REEP5: variants seen among roughly 807,000 people sequenced by gnomAD.
The protein encoded by REEP5 is receptor expression-enhancing protein 5.
A neutral mutation model predicts 22.4 loss-of-function variants in REEP5; 24 were observed. That is an observed-to-expected ratio of 1.07 (90% CI 0.78 to 1.51). REEP5 has a LOEUF of 1.51. Ranked by LOEUF, REEP5 falls within the 40% of genes most tolerant of loss-of-function variation. The pLI is 0.00. For synonymous variants in REEP5, 103 were observed against 88.6 expected (o/e 1.16, Z -0.92); for missense variants, 252 against 233.0 (o/e 1.08, Z -0.53).
intron 3 of REEP5, chr5:112,893,006 C>T: frequency 6.4e-7 from 1 of 1,562,832 alleles, no homozygotes; most frequent in Non-Finnish European, 8.8e-7. Context: ...CAAAGTTCCT[C>T]TAGGTGCCGA....
rs558249750 is a variant in REEP5, at chr5:112,891,430, A to T, written c.352-4247T>A. Among the ~76,000 whole-genome samples the T allele has an allele frequency of 2.6e-5, 4 of 152,280 alleles. No individual in the cohort carries two copies. The South Asian group carries it at 8.3e-4, about 32-fold the overall frequency. On this transcript the variant is annotated intron_variant, in intron 3 of 4. Coordinates refer to ENST00000379638, the MANE Select transcript of REEP5 (RefSeq NM_005669.5). ...ACATGAAATGAAATTCAAATTTATG[A>T]TATACTTAATTACAAAAAAAGTCTA... is the stretch of plus-strand genomic sequence containing the variant.
intron 2 of REEP5, among the ~76,000 whole-genome samples, chr5:112,906,958 G>C (rs931763054): frequency 3.9e-5 from 6 of 152,180 alleles, no homozygotes; most frequent in African/African-American, 1.4e-4. Context: ...GTTGGACGTA[G>C]AAGTCAAACT....
chr5:112,898,374 A>G (rs965371094), intron 3 of REEP5: 1 of 152,248 alleles, frequency 6.6e-6, no homozygotes, highest in African/African-American at 2.4e-5. Flanking sequence ...GAACACTATG[A>G]TGCCATGCAG....
At chr5:112,899,137 T>G (rs153551) in intron 3 of REEP5, among the ~76,000 whole-genome samples, 86,157 of 151,908 alleles carry the variant, frequency 0.57, 26,982 homozygotes, top group African/African-American at 0.85. Context: ...AGAGTGCAGT[T>G]GGGTGATCAT....
At chr5:112,879,630 C>T (rs62364059) in intron 4 of REEP5, among the ~76,000 whole-genome samples, 1,877 of 152,160 alleles carry the variant, frequency 0.012, 16 homozygotes, top group Non-Finnish European at 0.021. Context: ...CTCACCACCA[C>T]GCCCAGCTAA....
At chr5:112,921,058 G>GCTTT in intron 2 of REEP5, 105 bp downstream of exon 2, 1 of 1,119,848 alleles carries the variant, frequency 8.9e-7, no homozygotes, top group Non-Finnish European at 1.3e-6. Flanking sequence ...TCCCCGCCGA[G>GCTTT]CTTTCACTTT....
intron 3 of REEP5, chr5:112,897,351 T>TCACACACGCA (rs1554093939): frequency 1.0e-5 from 1 of 97,790 alleles, no homozygotes; most frequent in East Asian, 2.4e-4. Context: ...ACACATCCCA[T>TCACACACGCA]CACACACACA....
chr5:112,879,405 C>G lies in REEP5; in HGVS notation c.521-570G>C, dbSNP rs73220057. Among the ~76,000 whole-genome samples, 1,442 of 152,134 alleles carry G rather than the reference C, an allele frequency of 9.5e-3. 30 individuals are homozygous for G. Among genetic ancestry groups the G allele is most frequent in the African/African-American group, 0.033 (1,371 of 41,458 alleles). ...ACAGATACCAAAATCTGTGAGTGCT[C>G]AAGCCCTTAAATAGAATGGCATACA... is the stretch of plus-strand genomic sequence containing the variant. On this transcript the variant is annotated intron_variant, in intron 4 of 4. Coordinates refer to ENST00000379638, the MANE Select transcript of REEP5 (RefSeq NM_005669.5).
At chr5:112,880,981 C>T (rs1437850513) in intron 4 of REEP5, among the ~76,000 whole-genome samples, 1 of 151,818 alleles carries the variant, frequency 6.6e-6, no homozygotes, top group Non-Finnish European at 1.5e-5. Flanking sequence ...ATACAAGTAT[C>T]AGCTGGGCGT....
chr5:112,896,372 A>C (rs1768680593), intron 3 of REEP5: 1 of 151,836 alleles, frequency 6.6e-6, no homozygotes, highest in Non-Finnish European at 1.5e-5. Context: ...AAAAATACAA[A>C]ATTTGCCTAG....
intron 4 of REEP5, among the ~76,000 whole-genome samples, chr5:112,883,503 T>C (rs1768139474): frequency 6.6e-6 from 1 of 152,216 alleles, no homozygotes; most frequent in African/African-American, 2.4e-5. Context: ...ATCAGTCTGC[T>C]TTGCTAGTTG....
Position 112,892,163 on chromosome 5 carries a change from C to G in REEP5, c.352-4980G>C, listed in dbSNP as rs538127313. 6.2e-6 allele frequency: 10 copies of G among 1,614,170 alleles called. No homozygotes were observed. In the African/African-American group the frequency reaches 1.3e-4, roughly 22 times the overall value. On this transcript the variant is annotated intron_variant, in intron 3 of 4. Transcript: ENST00000379638. Reference sequence around the variant, plus strand: ...TTCAGAGTAATGGAGAAGGATCGAGCTAATTGTCCCTTCTACAGTAAAACA... The same window carrying G: ...TTCAGAGTAATGGAGAAGGATCGAGGTAATTGTCCCTTCTACAGTAAAACA...
At chr5:112,881,851 A>C (rs1768085110) in intron 4 of REEP5, 1 of 152,088 alleles carries the variant, frequency 6.6e-6, no homozygotes, top group Non-Finnish European at 1.5e-5. Flanking sequence ...CTGCAGCCTC[A>C]ACCTCCAGGC....
At chr5:112,893,094 T>TAAAAAAAAAAAAA (rs552226372) in intron 3 of REEP5, 55 of 501,480 alleles carry the variant, frequency 1.1e-4, no homozygotes, top group African/African-American at 1.4e-4. Flanking sequence ...GTTTTGTTCT[T>TAAAAAAAAAAAAA]AAAAAAAAAA....
Position 112,877,880 on chromosome 5 carries a change from G to C in REEP5, c.*906C>G, listed in dbSNP as rs1767945045. On this transcript the variant is annotated 3_prime_UTR_variant, in exon 5 of 5. Transcript: ENST00000379638. ...CCGCTTTGAAGATAAAACCAGAAAT[G>C]GTTTCCATTGTAGCATCTTGACAAT... The C allele has an allele frequency of 6.6e-6, 1 of 152,056 alleles. No individual in the cohort carries two copies. Among genetic ancestry groups the C allele is most frequent in the Non-Finnish European group, 1.5e-5 (1 of 68,012 alleles). 9.4% of individuals were successfully genotyped at this position (152,056 alleles called of 1,614,324 possible). A position where few individuals can be genotyped will look rare whatever the true frequency, so the allele number is the denominator to read the frequency against.
At chr5:112,914,467 C>T (rs1377480136) in intron 2 of REEP5, among the ~76,000 whole-genome samples, 2 of 151,900 alleles carry the variant, frequency 1.3e-5, no homozygotes, top group Non-Finnish European at 2.9e-5. Context: ...CAAACTCAAG[C>T]AATCCACCCA....
chr5:112,896,913 A>C (rs1157648254), intron 3 of REEP5: 7 of 152,352 alleles, frequency 4.6e-5, no homozygotes, highest in East Asian at 1.9e-4. Flanking sequence ...TGGGCGACAG[A>C]GCAAGACTCC....
At chr5:112,917,871 G>T (rs1314528561) in intron 2 of REEP5, among the ~76,000 whole-genome samples, 1 of 152,210 alleles carries the variant, frequency 6.6e-6, no homozygotes, top group Non-Finnish European at 1.5e-5. Context: ...GGAGTGATTG[G>T]TGATGGTTTC....
At chr5:112,921,116 G>C (rs766984517) in intron 2 of REEP5, 47 bp downstream of exon 2, 4 of 1,565,464 alleles carry the variant, frequency 2.6e-6, no homozygotes, top group Non-Finnish European at 3.5e-6. Context: ...GCCCTGCGGG[G>C]AGGAATGGAG....
Sources: allele counts gnomAD v4.1 joint callset (sites outside exome capture counted in the v4.1 genomes callset), GRCh38; gene constraint gnomAD v4.1.1; transcripts MANE v1.5; gene names NCBI Gene and HGNC (gene_info 2026-07-23, HGNC 2026-07-21).